The following BLK variants were observed in gnomAD, a reference collection of about 807,000 sequenced individuals.
BLK encodes BLK proto-oncogene, Src family tyrosine kinase.
Under a neutral mutation model 61.8 loss-of-function variants are expected in BLK, and 64 were observed. The ratio of observed to expected loss-of-function variants is 1.03; its 90% CI spans 0.85 to 1.27. The LOEUF (loss-of-function observed/expected upper bound fraction) is 1.27, where lower values mean the gene tolerates loss of function less well. BLK is among the 50% of genes most tolerant of loss of function. The pLI, the probability that BLK is intolerant of heterozygous loss-of-function variation, is 0.00. For missense variants in BLK, 853 were observed against 660.5 expected, an observed-to-expected ratio of 1.29 and a Z score of -3.19; for synonymous variants, 351 against 272.0, an observed-to-expected ratio of 1.29 and a Z score of -2.86.
Position 11,556,806 on chromosome 8 carries a change from C to T in BLK, c.921C>T (p.Pro307=). Residue 307 remains proline, a synonymous_variant, in exon 9 of 13, where the codon CCC becomes CCT. Coordinates refer to ENST00000259089, the MANE Select transcript of BLK (RefSeq NM_001715.3). The stretch of plus-strand genomic sequence containing the variant: ...TCTACGCAGTGGTCACCAAGGAGCC[C>T]ATCTACATTGTCACCGAGTACATGG... ...VRLYAVVTKE[P]IYIVTEYMAR... 2 of 1,614,168 alleles carry T rather than the reference C, an allele frequency of 1.2e-6. No individual in the cohort carries two copies. The highest frequency in any genetic ancestry group is 2.7e-5 in the African/African-American group (2 of 75,036).
chr8:11,539,272 C>G (rs1322957605), intron 1 of BLK, among the ~76,000 whole-genome samples: 1 of 152,176 alleles, frequency 6.6e-6, no homozygotes, highest in Non-Finnish European at 1.5e-5. Flanking sequence ...TCATGCACCT[C>G]TTTGGGTCTT....
intron 7 of BLK, 21 bp from the exon 8 acceptor site, chr8:11,555,311 G>A: frequency 6.2e-7 from 1 of 1,613,974 alleles, no homozygotes; most frequent in Non-Finnish European, 8.5e-7. Context: ...CCCCAGCCCT[G>A]TCTTTTCTTC....
At chr8:11,561,239 T>C in intron 10 of BLK, 63 bp from the exon 11 acceptor site, 1 of 1,577,660 alleles carries the variant, frequency 6.3e-7, no homozygotes, top group Non-Finnish European at 8.6e-7. Flanking sequence ...GGGGACACAG[T>C]GTGGGCTCGG....
chr8:11,510,900 G>C (rs1290963729), intron 1 of BLK, among the ~76,000 whole-genome samples: 4 of 152,134 alleles, frequency 2.6e-5, no homozygotes, highest in Admixed American at 6.6e-5. Flanking sequence ...ATGTGTTAAA[G>C]TACGAGATTC....
chr8:11,509,993 T>C (rs1053006229), intron 1 of BLK: 1 of 152,202 alleles, frequency 6.6e-6, no homozygotes, highest in African/African-American at 2.4e-5. Flanking sequence ...AAAATGATCA[T>C]TTTTGGGCCT....
At chr8:11,560,326 GATGGATGGATAC>G (rs1430264058) in intron 10 of BLK, 5 of 214,514 alleles carry the variant, frequency 2.3e-5, no homozygotes, top group African/African-American at 4.7e-5. Context: ...TAGATGGATG[GATGGATGGATAC>G]ATGGATGGAT....
intron 1 of BLK, among the ~76,000 whole-genome samples, chr8:11,519,269 T>G (rs946959983): frequency 6.6e-6 from 1 of 152,230 alleles, no homozygotes; most frequent in Non-Finnish European, 1.5e-5. Context: ...GCTACCTTCA[T>G]GTGGGGCTGC....
At chr8:11,542,368 G>A (rs548324419) in intron 1 of BLK, among the ~76,000 whole-genome samples, 2 of 152,306 alleles carry the variant, frequency 1.3e-5, no homozygotes, top group South Asian at 2.1e-4. Context: ...GACACGCGTG[G>A]GGACTTGGGT....
chr8:11,499,928 T>C (rs1170731805), intron 1 of BLK, among the ~76,000 whole-genome samples: 2 of 152,176 alleles, frequency 1.3e-5, no homozygotes, highest in Admixed American at 6.5e-5. Flanking sequence ...TTGTATTGTA[T>C]GTATTTTTAT....
chr8:11,563,254 G>A (rs544218896), intron 12 of BLK, 144 bp downstream of exon 12: 1 of 1,241,474 alleles, frequency 8.1e-7, no homozygotes, highest in South Asian at 1.5e-5. Flanking sequence ...CATGGCATCT[G>A]GGGTGGAGCT....
chr8:11,508,422 C>G (rs1798866367), intron 1 of BLK, among the ~76,000 whole-genome samples: 1 of 152,228 alleles, frequency 6.6e-6, no homozygotes, highest in African/African-American at 2.4e-5. Context: ...GGGGCTCTGG[C>G]ACAAGTTTGC....
chr8:11,531,165 T>G (rs991350811), intron 1 of BLK, among the ~76,000 whole-genome samples: 1 of 152,242 alleles, frequency 6.6e-6, no homozygotes, highest in Non-Finnish European at 1.5e-5. Flanking sequence ...TTTGTTAAAT[T>G]GAATTTTTGG....
intron 1 of BLK, among the ~76,000 whole-genome samples, chr8:11,498,472 ACAGT>A (rs1420207483): frequency 6.6e-6 from 1 of 152,218 alleles, no homozygotes. Context: ...TTGGAATCAC[ACAGT>A]CAAATATCTA....
chr8:11,546,767 G>T (rs1275179078), intron 3 of BLK, among the ~76,000 whole-genome samples: 1 of 152,202 alleles, frequency 6.6e-6, no homozygotes, highest in Non-Finnish European at 1.5e-5. Context: ...CTAGTGAGGG[G>T]GTTTCACCAT....
At chr8:11,506,480 GC>G (rs1798773615) in intron 1 of BLK, among the ~76,000 whole-genome samples, 1 of 152,188 alleles carries the variant, frequency 6.6e-6, no homozygotes, top group South Asian at 2.1e-4. Context: ...GTGTGGGTGG[GC>G]TCAGGTGAAT....
chr8:11,502,820 G>A (rs1198496729), intron 1 of BLK, among the ~76,000 whole-genome samples: 1 of 152,130 alleles, frequency 6.6e-6, no homozygotes, highest in Non-Finnish European at 1.5e-5. Flanking sequence ...TCCCGAGCCT[G>A]ACAGCGGAGG....
At position 11,556,657 on chromosome 8, in the gene BLK, G is replaced by C. The variant is rs1801243889; in HGVS notation, c.773-1G>C. 3.1e-6 allele frequency: 5 copies of C among 1,614,004 alleles called. No individual in the cohort carries two copies. The highest frequency in any genetic ancestry group is 1.7e-5 in the Admixed American group (1 of 59,988). ...TGGCTTCTTCACTCCCCCGGGCTCA[G>C]GTTACTACAAAAACAACATGAAGGT... is the stretch of plus-strand genomic sequence containing the variant. On this transcript the variant is annotated splice_acceptor_variant, in intron 8 of 12. Coordinates refer to ENST00000259089, the MANE Select transcript of BLK (RefSeq NM_001715.3). LOFTEE classifies it high-confidence loss of function.
chr8:11,531,808 C>T (rs1179885024), intron 1 of BLK, among the ~76,000 whole-genome samples: 2 of 152,172 alleles, frequency 1.3e-5, no homozygotes, highest in Non-Finnish European at 2.9e-5. Context: ...GCCCTCTGAC[C>T]TTCCTTCTGC....
At chr8:11,546,215 A>G in intron 3 of BLK, 112 bp downstream of exon 3, 2 of 1,318,364 alleles carry the variant, frequency 1.5e-6, no homozygotes, top group South Asian at 2.4e-5. Flanking sequence ...TGGAGAAGAG[A>G]AAACGGGGAA....
Sources: gnomAD v4.1 joint callset for allele counts (sites outside exome capture counted in the v4.1 genomes callset) on GRCh38, gnomAD v4.1.1 for gene constraint, MANE v1.5 for transcripts, NCBI Gene and HGNC (gene_info 2026-07-23, HGNC 2026-07-21) for gene names.